ST8SIA6: variants seen among roughly 807,000 people sequenced by gnomAD.
ST8SIA6 encodes ST8 alpha-N-acetyl-neuraminide alpha-2,8-sialyltransferase 6.
ST8SIA6 carries 39 observed loss-of-function variants against 33.6 expected under a neutral mutation model. The ratio of observed to expected loss-of-function variants is 1.16; its 90% CI spans 0.90 to 1.52. The LOEUF (loss-of-function observed/expected upper bound fraction) is 1.52, where lower values mean the gene tolerates loss of function less well. Ranked by LOEUF, ST8SIA6 falls within the 40% of genes most tolerant of loss-of-function variation. The pLI is 0.00. For missense variants in ST8SIA6, 441 were observed against 443.8 expected, an observed-to-expected ratio of 0.99 and a Z score of 0.06; for synonymous variants, 172 against 167.2, an observed-to-expected ratio of 1.03 and a Z score of -0.22.
At chr10:17,441,324 A>ATTTATTTATTTG (rs1852484395) in intron 2 of ST8SIA6, among the ~76,000 whole-genome samples, 1 of 151,484 alleles carries the variant, frequency 6.6e-6, no homozygotes, top group African/African-American at 2.4e-5. Flanking sequence ...TTATTTATTT[A>ATTTATTTATTTG]TTTATTTGAG....
intron 2 of ST8SIA6, among the ~76,000 whole-genome samples, chr10:17,407,019 T>C (rs1851290467): frequency 6.6e-6 from 1 of 152,164 alleles, no homozygotes; most frequent in Non-Finnish European, 1.5e-5. Flanking sequence ...CTTGAACTCC[T>C]GACCTCAGGT....
chr10:17,394,827 C>T (rs1307185808), intron 2 of ST8SIA6, among the ~76,000 whole-genome samples: 1 of 152,126 alleles, frequency 6.6e-6, no homozygotes, highest in Non-Finnish European at 1.5e-5. Flanking sequence ...GAACATCTCT[C>T]AGACAAGTCA....
intron 2 of ST8SIA6, among the ~76,000 whole-genome samples, chr10:17,450,998 T>A (rs1356122690): frequency 1.3e-5 from 2 of 152,182 alleles, no homozygotes; most frequent in Non-Finnish European, 2.9e-5. Flanking sequence ...TGGGTTTCAC[T>A]CCAGGCTCCA....
chr10:17,375,397 T>A (rs1849878310), intron 3 of ST8SIA6, among the ~76,000 whole-genome samples: 1 of 152,206 alleles, frequency 6.6e-6, no homozygotes, highest in South Asian at 2.1e-4. Context: ...CCTTTTCTTT[T>A]CAAGCAGCAA....
rs191766824 is a variant in ST8SIA6, at chr10:17,357,060, A to C, written c.377+2454T>G. On this transcript the variant is annotated intron_variant, in intron 4 of 7. Coordinates refer to ENST00000377602, the MANE Select transcript of ST8SIA6 (RefSeq NM_001004470.3). Reference sequence around the variant, plus strand: ...CAAGAAGGGATTTCCTTCTGCTCCTATCGGGCATCTAAGTTAAGGGCAGAT... The same window carrying C: ...CAAGAAGGGATTTCCTTCTGCTCCTCTCGGGCATCTAAGTTAAGGGCAGAT... 3.3e-5 allele frequency among the ~76,000 whole-genome samples: 5 copies of C among 152,304 alleles called. No homozygotes were observed. In the East Asian group the frequency reaches 9.7e-4, roughly 29 times the overall value.
intron 3 of ST8SIA6, among the ~76,000 whole-genome samples, chr10:17,374,058 ACAT>A (rs150261309): frequency 0.06 from 8,768 of 146,072 alleles, 331 homozygotes; most frequent in East Asian, 0.087. Flanking sequence ...TTATCTTTTA[ACAT>A]CAACAACCAC....
rs1206478921 is a variant in ST8SIA6 at position 17,358,228 on chromosome 10, G to C, written c.377+1286C>G. Among the ~76,000 whole-genome samples the C allele has an allele frequency of 3.9e-5, 6 of 152,228 alleles. No individual in the cohort carries two copies. The East Asian group carries it at 1.2e-3, about 29-fold the overall frequency. ...CAGGAAGGCACTCTTTCACCTACTG[G>C]GGGTGGAGCAGAACCCTCCTCACAT... On this transcript the variant is annotated intron_variant, in intron 4 of 7. Transcript: ENST00000377602.
At chr10:17,446,703 C>T (rs914393556) in intron 2 of ST8SIA6, among the ~76,000 whole-genome samples, 6 of 151,888 alleles carry the variant, frequency 4.0e-5, no homozygotes, top group South Asian at 2.1e-4. Flanking sequence ...AAGAACTATG[C>T]GAGACAGAAA....
At chr10:17,398,985 C>G (rs1016136492) in intron 2 of ST8SIA6, 1 of 152,168 alleles carries the variant, frequency 6.6e-6, no homozygotes, top group African/African-American at 2.4e-5. Context: ...AGGCAAGCAT[C>G]GTAGTCTACT....
intron 3 of ST8SIA6, among the ~76,000 whole-genome samples, chr10:17,378,636 CA>C (rs1850000068): frequency 1.3e-5 from 2 of 152,104 alleles, no homozygotes; most frequent in South Asian, 4.1e-4. Context: ...ACAAACAAAA[CA>C]ACAACTTCAA....
intron 3 of ST8SIA6, among the ~76,000 whole-genome samples, chr10:17,382,221 G>T (rs559793110): frequency 3.6e-4 from 55 of 151,694 alleles, no homozygotes; most frequent in African/African-American, 1.2e-3. Context: ...TTTCATATTT[G>T]GGAATTTTCC....
rs1451579363 is a variant in ST8SIA6, at chr10:17,334,550, AAAT to A, written c.378-3001_378-2999del. Reference sequence around the variant, plus strand: ...CGAGACTCCGTTTCAAAAAAAAAAAAAATTATTATTATTATTATAATAATAAAA... The same window carrying A: ...CGAGACTCCGTTTCAAAAAAAAAAAATATTATTATTATTATAATAATAAAA... On this transcript the variant is annotated intron_variant, in intron 4 of 7. Coordinates refer to ENST00000377602, the MANE Select transcript of ST8SIA6 (RefSeq NM_001004470.3). Among the ~76,000 whole-genome samples, 227 of 101,454 alleles carry A rather than the reference AAAT, an allele frequency of 2.2e-3. 1 individual carries two copies. The highest frequency in any genetic ancestry group is 7.1e-3 in the African/African-American group (217 of 30,668). The allele number at this position is 101,454 out of a possible 152,430, so 66.6% of individuals were successfully genotyped here.
Position 17,359,975 on chromosome 10 carries a change from C to CTT in ST8SIA6, c.291-376_291-375insAA, listed in dbSNP as rs947941105. On this transcript the variant is annotated intron_variant, in intron 3 of 7. Coordinates refer to ENST00000377602, the MANE Select transcript of ST8SIA6 (RefSeq NM_001004470.3). The stretch of plus-strand genomic sequence containing the variant: ...TGTACTCAATAGATTTTTTCAGACT[C>CTT]TAAGTTCACATATTTACCTTGGAAT... Among the ~76,000 whole-genome samples, 20 of 152,210 alleles carry CTT rather than the reference C, an allele frequency of 1.3e-4. No homozygotes were observed. The East Asian group carries it at 3.3e-3, about 25-fold the overall frequency.
chr10:17,417,357 C>G (rs2131702602), intron 2 of ST8SIA6, among the ~76,000 whole-genome samples: 1 of 152,228 alleles, frequency 6.6e-6, no homozygotes, highest in African/African-American at 2.4e-5. Context: ...CCCTATCACC[C>G]TCCATGATCC....
At chr10:17,323,018 C>A (rs1390886756) in intron 7 of ST8SIA6, 47 bp downstream of exon 7, 2 of 1,517,962 alleles carry the variant, frequency 1.3e-6, no homozygotes, top group Non-Finnish European at 1.8e-6. Flanking sequence ...ACATGTTGAA[C>A]AATGAAAAAG....
chr10:17,453,356 C>T (rs1169825622), intron 2 of ST8SIA6, among the ~76,000 whole-genome samples: 1 of 152,088 alleles, frequency 6.6e-6, no homozygotes, highest in Non-Finnish European at 1.5e-5. Context: ...AAAGACCATT[C>T]ACATCCAGGC....
chr10:17,326,455 A>T (rs1430599588), intron 6 of ST8SIA6, among the ~76,000 whole-genome samples: 2 of 152,222 alleles, frequency 1.3e-5, no homozygotes, highest in African/African-American at 4.8e-5. Context: ...GCTAGCTGAT[A>T]TTCAGATAGA....
intron 2 of ST8SIA6, among the ~76,000 whole-genome samples, chr10:17,392,430 G>C (rs535016485): frequency 6.6e-6 from 1 of 152,278 alleles, no homozygotes; most frequent in East Asian, 1.9e-4. Flanking sequence ...GGGGAGCTGA[G>C]GCAGGTAAAT....
At chr10:17,441,333 A>ATTTATTTAT (rs1309959070) in intron 2 of ST8SIA6, among the ~76,000 whole-genome samples, 20 of 129,178 alleles carry the variant, frequency 1.5e-4, no homozygotes, top group East Asian at 3.4e-4. Context: ...TATTTATTTG[A>ATTTATTTAT]GACGGAGTCT....
Sources: gnomAD v4.1 joint callset for allele counts (sites outside exome capture counted in the v4.1 genomes callset) on GRCh38, gnomAD v4.1.1 for gene constraint, MANE v1.5 for transcripts, NCBI Gene and HGNC (gene_info 2026-07-23, HGNC 2026-07-21) for gene names.